ZNF280D: variants seen among roughly 807,000 people sequenced by gnomAD.
The protein encoded by ZNF280D is suppressor of hairy wing homolog 4.
In ZNF280D, 39 loss-of-function variants were observed where a neutral mutation model predicts 94.7. The observed-to-expected ratio is 0.41, with a 90% CI of 0.32 to 0.54. ZNF280D has a LOEUF of 0.54. Among genes scored for constraint, ZNF280D ranks in the 20% least tolerant of loss-of-function variants. The probability of loss-of-function intolerance (pLI) is 0.22; values close to 1 mark genes in which losing one functional copy is unlikely to be tolerated. For missense variants in ZNF280D, 1,090 were observed against 1,149.3 expected (o/e 0.95, Z 0.75); for synonymous variants, 398 against 377.6 (o/e 1.05, Z -0.63).
At chr15:56,723,949 T>C (rs1216650515) in intron 1 of ZNF280D, among the ~76,000 whole-genome samples, 1 of 152,216 alleles carries the variant, frequency 6.6e-6, no homozygotes, top group Non-Finnish European at 1.5e-5. Flanking sequence ...TACATTAGCC[T>C]GTGGTTGGGC....
intron 9 of ZNF280D, among the ~76,000 whole-genome samples, chr15:56,683,996 T>G (rs2055822578): frequency 1.3e-5 from 2 of 152,212 alleles, no homozygotes. Flanking sequence ...ACACATATTC[T>G]GAATCACAAG....
chr15:56,712,485 G>C (rs1164926806), intron 1 of ZNF280D, among the ~76,000 whole-genome samples: 1 of 151,120 alleles, frequency 6.6e-6, no homozygotes, highest in African/African-American at 2.4e-5. Flanking sequence ...GAAAATTACT[G>C]GGAGTGGTGG....
chr15:56,680,634 G>A (rs1309272913), intron 10 of ZNF280D, among the ~76,000 whole-genome samples: 2 of 146,982 alleles, frequency 1.4e-5, no homozygotes, highest in Middle Eastern at 3.4e-3. Context: ...ACGTCACCAC[G>A]CCCGGCAAAC....
At chr15:56,643,906 A>G (rs1195420676) in intron 19 of ZNF280D, among the ~76,000 whole-genome samples, 3 of 151,910 alleles carry the variant, frequency 2.0e-5, no homozygotes, top group Non-Finnish European at 4.4e-5. Flanking sequence ...AAAAAAAAAG[A>G]TATCTAATAG....
chr15:56,686,140 A>C (rs1596495080), intron 9 of ZNF280D, among the ~76,000 whole-genome samples: 1 of 152,034 alleles, frequency 6.6e-6, no homozygotes, highest in African/African-American at 2.4e-5. Flanking sequence ...TTCACAATAC[A>C]GTTATTTATT....
chr15:56,654,119 C>A lies in ZNF280D; in HGVS notation c.2213+79G>T. On this transcript the variant is annotated intron_variant, in intron 19 of 21. Coordinates refer to ENST00000267807, the MANE Select transcript of ZNF280D (RefSeq NM_017661.4). ...ACAACATACTTTAATACTTTTCATTCGTATTAATGATACATTTAAAAATGC... is the reference window on the plus strand; with the variant it reads ...ACAACATACTTTAATACTTTTCATTAGTATTAATGATACATTTAAAAATGC... 3.9e-6 allele frequency: 6 copies of A among 1,540,282 alleles called. No individual in the cohort carries two copies. In the South Asian group the frequency reaches 6.3e-5, roughly 16 times the overall value.
intron 3 of ZNF280D, 85 bp downstream of exon 3, chr15:56,706,996 AT>A: frequency 7.4e-7 from 1 of 1,353,118 alleles, no homozygotes; most frequent in Admixed American, 1.9e-5. Context: ...TTTTTAAAAA[AT>A]GTCTCCCAAC....
intron 19 of ZNF280D, among the ~76,000 whole-genome samples, chr15:56,647,775 C>A (rs1268677223): frequency 6.6e-6 from 1 of 152,184 alleles, no homozygotes; most frequent in South Asian, 2.1e-4. Context: ...AAGTGACCCA[C>A]CTGTCTTGGC....
rs527921254 is a variant in ZNF280D, at chr15:56,688,434, T to C, written c.780+607A>G. Among the ~76,000 whole-genome samples, 3 of 128,168 alleles carry C rather than the reference T, an allele frequency of 2.3e-5. No homozygotes were observed. In the South Asian group the frequency reaches 7.1e-4, roughly 30 times the overall value. 84.1% of individuals were successfully genotyped at this position (128,168 alleles called of 152,430 possible). A position where few individuals can be genotyped will look rare whatever the true frequency, so the allele number is the denominator to read the frequency against. On this transcript the variant is annotated intron_variant, in intron 9 of 21. Coordinates refer to ENST00000267807, the MANE Select transcript of ZNF280D (RefSeq NM_017661.4). ...TGAACCTGGGAGGTGGAGCTTGCAGTCCCCAGAGATCTGCCACTGCACTCC... is the reference window on the plus strand; with the variant it reads ...TGAACCTGGGAGGTGGAGCTTGCAGCCCCCAGAGATCTGCCACTGCACTCC...
chr15:56,648,059 A>G (rs1451330386), intron 19 of ZNF280D, among the ~76,000 whole-genome samples: 1 of 152,144 alleles, frequency 6.6e-6, no homozygotes, highest in East Asian at 1.9e-4. Context: ...TAAGCAATAG[A>G]AGGAGGATTA....
intron 21 of ZNF280D, among the ~76,000 whole-genome samples, chr15:56,632,450 CTAAAA>C (rs1204352305): frequency 5.4e-5 from 8 of 149,356 alleles, no homozygotes; most frequent in Non-Finnish European, 1.2e-4. Flanking sequence ...GTAAAAGTAC[CTAAAA>C]TAAAAAAATA....
chr15:56,733,379 G>A (rs1406518820), intron 1 of ZNF280D, 79 bp downstream of exon 1: 3 of 858,678 alleles, frequency 3.5e-6, no homozygotes, highest in African/African-American at 1.8e-5. Flanking sequence ...CAGCGCCCCC[G>A]GAGTGAGGCG....
At chr15:56,714,833 T>C (rs2057952367) in intron 1 of ZNF280D, among the ~76,000 whole-genome samples, 1 of 152,172 alleles carries the variant, frequency 6.6e-6, no homozygotes, top group African/African-American at 2.4e-5. Flanking sequence ...TTGATAATAT[T>C]AATGATTAAG....
intron 9 of ZNF280D, among the ~76,000 whole-genome samples, chr15:56,683,145 T>A (rs958578918): frequency 2.0e-5 from 3 of 152,188 alleles, no homozygotes; most frequent in Admixed American, 2.0e-4. Flanking sequence ...TCAGATTTTT[T>A]AAATAAACAT....
At chr15:56,709,213 C>G (rs1391549036) in intron 1 of ZNF280D, among the ~76,000 whole-genome samples, 3 of 152,208 alleles carry the variant, frequency 2.0e-5, no homozygotes, top group Non-Finnish European at 4.4e-5. Context: ...TGAACAGACA[C>G]TTCTCAAAAG....
rs112746171 is a variant in ZNF280D at position 56,705,804 on chromosome 15, T to C, written c.28+1278A>G. 1.4e-3 allele frequency among the ~76,000 whole-genome samples: 214 copies of C among 152,132 alleles called. 6 individuals carry two copies. The highest frequency in any genetic ancestry group is 4.7e-3 in the African/African-American group (196 of 41,516). ...TCTTAATTTTATATGTCTAACGTCATATAGGAATACATTTCCCCCTATACA... is the reference window on the plus strand; with the variant it reads ...TCTTAATTTTATATGTCTAACGTCACATAGGAATACATTTCCCCCTATACA... On this transcript the variant is annotated intron_variant, in intron 3 of 21. Coordinates refer to ENST00000267807, the MANE Select transcript of ZNF280D (RefSeq NM_017661.4).
intron 4 of ZNF280D, among the ~76,000 whole-genome samples, chr15:56,701,519 T>G (rs977503262): frequency 2.6e-5 from 4 of 152,116 alleles, no homozygotes; most frequent in Non-Finnish European, 4.4e-5. Flanking sequence ...TGACTACAGG[T>G]GAGTCAAAAC....
chr15:56,658,745 G>A (rs1326320943), intron 16 of ZNF280D, among the ~76,000 whole-genome samples: 1 of 151,966 alleles, frequency 6.6e-6, no homozygotes, highest in African/African-American at 2.4e-5. Flanking sequence ...ATTAAAAAAG[G>A]AAATACTGAG....
intron 19 of ZNF280D, chr15:56,653,537 G>C (rs1273024348): frequency 6.6e-7 from 1 of 1,521,904 alleles, no homozygotes; most frequent in Non-Finnish European, 8.8e-7. Context: ...TGTGTCCATC[G>C]AAGGGGGACA....
Sources: gnomAD v4.1 joint callset for allele counts (sites outside exome capture counted in the v4.1 genomes callset) on GRCh38, gnomAD v4.1.1 for gene constraint, MANE v1.5 for transcripts, NCBI Gene and HGNC (gene_info 2026-07-23, HGNC 2026-07-21) for gene names.